Variants in CRTAC1 observed in about 807,000 individuals in gnomAD.
CRTAC1 encodes the protein cartilage acidic protein 1, also known as acidic secreted protein in cartilage.
A neutral mutation model predicts 67.8 loss-of-function variants in CRTAC1; 37 were observed. That is an observed-to-expected ratio of 0.55 (90% CI 0.42 to 0.72). CRTAC1 has a LOEUF of 0.72. CRTAC1 is among the 30% of genes least tolerant of loss of function. The probability of loss-of-function intolerance (pLI) is 0.00; values close to 1 mark genes in which losing one functional copy is unlikely to be tolerated. For missense variants in CRTAC1, 780 were observed against 931.6 expected (o/e 0.84, Z 2.12); for synonymous variants, 348 against 371.0 (o/e 0.94, Z 0.71).
rs770672093 is a variant in CRTAC1 at position 97,880,349 on chromosome 10, G to A, written c.1719C>T (p.Asp573=). 1.2e-6 allele frequency: 2 copies of A among 1,614,194 alleles called. No homozygotes were observed. Among genetic ancestry groups the A allele is most frequent in the Non-Finnish European group, 1.7e-6 (2 of 1,180,012 alleles). Residue 573 remains aspartate (D), a synonymous_variant, in exon 14 of 15, where the codon GAC becomes GAT. Transcript: ENST00000370597. ...CIQFPFVCPR[D]KPVCVNTYGS... ...CATAGGTGTTGACACATACGGGCTT[G>A]TCTCGAGGGCACACGAATGGGAACT...
intron 2 of CRTAC1, among the ~76,000 whole-genome samples, chr10:97,981,781 T>G (rs1348162592): frequency 6.6e-6 from 1 of 152,364 alleles, no homozygotes; most frequent in African/African-American, 2.4e-5. Flanking sequence ...CACATCTTTG[T>G]CAATATTGAG....
At chr10:97,909,743 T>C (rs2050663214) in intron 5 of CRTAC1, among the ~76,000 whole-genome samples, 1 of 152,210 alleles carries the variant, frequency 6.6e-6, no homozygotes, top group South Asian at 2.1e-4. Context: ...GTTGAAGAGA[T>C]ACCTGCACTC....
chr10:97,939,881 C>T (rs1410958307), intron 2 of CRTAC1, among the ~76,000 whole-genome samples: 2 of 152,150 alleles, frequency 1.3e-5, no homozygotes, highest in African/African-American at 2.4e-5. Flanking sequence ...TTTTGCACCT[C>T]GCTTATTCCT....
intron 2 of CRTAC1, among the ~76,000 whole-genome samples, chr10:97,944,308 T>A (rs1306244888): frequency 6.6e-6 from 1 of 152,048 alleles, no homozygotes; most frequent in African/African-American, 2.4e-5. Context: ...GTGCACACCC[T>A]GTAATCCCAG....
chr10:97,988,634 T>G (rs977807122), intron 2 of CRTAC1, among the ~76,000 whole-genome samples: 2 of 152,278 alleles, frequency 1.3e-5, no homozygotes, highest in African/African-American at 4.8e-5. Context: ...GCAAGAGAAT[T>G]GCTTGAACCC....
At chr10:97,990,923 G>T (rs560090866) in intron 2 of CRTAC1, among the ~76,000 whole-genome samples, 9 of 151,822 alleles carry the variant, frequency 5.9e-5, no homozygotes, top group Admixed American at 3.3e-4. Flanking sequence ...ATGTTTAAAC[G>T]ACTGCTTTAA....
At chr10:97,934,695 G>T (rs1196104494) in intron 3 of CRTAC1, among the ~76,000 whole-genome samples, 2 of 152,166 alleles carry the variant, frequency 1.3e-5, no homozygotes, top group African/African-American at 2.4e-5. Context: ...CCTCCAGGAG[G>T]TTGGGAGGTC....
intron 2 of CRTAC1, among the ~76,000 whole-genome samples, chr10:97,996,667 T>C (rs1457407743): frequency 6.6e-6 from 1 of 152,206 alleles, no homozygotes; most frequent in Admixed American, 6.5e-5. Flanking sequence ...ATTGTGGAAG[T>C]TGGTGTGGTG....
intron 2 of CRTAC1, among the ~76,000 whole-genome samples, chr10:97,947,785 G>T (rs908252003): frequency 6.6e-6 from 1 of 152,166 alleles, no homozygotes; most frequent in African/African-American, 2.4e-5. Context: ...CAGGTATGGT[G>T]GCTCATGCCT....
intron 9 of CRTAC1, among the ~76,000 whole-genome samples, 188 bp downstream of exon 9, chr10:97,896,721 C>T (rs2050464481): frequency 6.6e-6 from 1 of 152,208 alleles, no homozygotes; most frequent in African/African-American, 2.4e-5. Context: ...CCTCTGCTTC[C>T]TGCCTGGCCA....
At chr10:97,887,617 G>C (rs1590182964) in intron 11 of CRTAC1, among the ~76,000 whole-genome samples, 1 of 152,216 alleles carries the variant, frequency 6.6e-6, no homozygotes, top group African/African-American at 2.4e-5. Flanking sequence ...GGGGCTATGA[G>C]ATAAGCAGGC....
chr10:97,930,663 C>T (rs932677970), intron 3 of CRTAC1, among the ~76,000 whole-genome samples: 6 of 152,166 alleles, frequency 3.9e-5, no homozygotes, highest in Non-Finnish European at 7.3e-5. Flanking sequence ...GGTGGAGGAG[C>T]TGCCCGACCA....
rs575210380 is a variant in CRTAC1 at position 97,989,943 on chromosome 10, C to T, written c.224+21195G>A. Among the ~76,000 whole-genome samples, 29 of 152,354 alleles carry T rather than the reference C, an allele frequency of 1.9e-4. No homozygotes were observed. In the South Asian group the frequency reaches 6.0e-3, roughly 32 times the overall value. On this transcript the variant is annotated intron_variant, in intron 2 of 14. Coordinates refer to ENST00000370597, the MANE Select transcript of CRTAC1 (RefSeq NM_018058.7). ...ACTCTTCTGTTCTCTCATTCTTTCT[C>T]CATGTCTTGTCTGAAATCTCTCATT...
At chr10:97,984,811 T>C (rs2051953635) in intron 2 of CRTAC1, among the ~76,000 whole-genome samples, 1 of 152,068 alleles carries the variant, frequency 6.6e-6, no homozygotes, top group East Asian at 1.9e-4. Flanking sequence ...GAAAAGGAAA[T>C]TGACTGGCAG....
chr10:97,902,650 C>A (rs12763924), intron 7 of CRTAC1, among the ~76,000 whole-genome samples: 23,831 of 152,114 alleles, frequency 0.16, 1,981 homozygotes, highest in Non-Finnish European at 0.19. Context: ...CCCCTAAAGA[C>A]CTTGGGGACA....
At chr10:97,963,716 A>G (rs1168543311) in intron 2 of CRTAC1, among the ~76,000 whole-genome samples, 1 of 152,200 alleles carries the variant, frequency 6.6e-6, no homozygotes. Context: ...TACTATTTTT[A>G]TTTGTAGCCA....
chr10:97,892,080 T>C lies in CRTAC1; in HGVS notation c.1486+3165A>G, dbSNP rs143740531. Among the ~76,000 whole-genome samples, 959 of 152,296 alleles carry C rather than the reference T, an allele frequency of 6.3e-3. 5 individuals are homozygous for C. Among genetic ancestry groups the C allele is most frequent in the Middle Eastern group, 0.014 (4 of 294 alleles). On this transcript the variant is annotated intron_variant, in intron 11 of 14. Transcript: ENST00000370597. ...GACTTGCACCAGGCGGAGCTCCCAA[T>C]GAAGTGCAGTGTACATAAGCCTGAG...
chr10:97,940,735 T>C (rs1159845874), intron 2 of CRTAC1, among the ~76,000 whole-genome samples: 2 of 152,246 alleles, frequency 1.3e-5, no homozygotes, highest in African/African-American at 2.4e-5. Context: ...CTTTGACTTC[T>C]GCATCTGGAA....
At position 97,991,099 on chromosome 10, in the gene CRTAC1, C is replaced by CAAAAAAAAAAAAAAAAAAAAAA. The variant is rs757267901; in HGVS notation, c.224+20017_224+20038dup. 1.7e-4 allele frequency among the ~76,000 whole-genome samples: 3 copies of CAAAAAAAAAAAAAAAAAAAAAA among 17,980 alleles called. 1 individual carries two copies. Among genetic ancestry groups the CAAAAAAAAAAAAAAAAAAAAAA allele is most frequent in the East Asian group, 1.5e-3 (1 of 670 alleles). 11.8% of individuals were successfully genotyped at this position (17,980 alleles called of 152,430 possible). Reference sequence around the variant, plus strand: ...GGCAACATACGAGAAACCATCTCTACAAAAAAAAAAAAAAAAAAAAAAAAA... The same window carrying CAAAAAAAAAAAAAAAAAAAAAA: ...GGCAACATACGAGAAACCATCTCTACAAAAAAAAAAAAAAAAAAAAAAAAAAAAAAAAAAAAAAAAAAAAAAA... On this transcript the variant is annotated intron_variant, in intron 2 of 14. Transcript: ENST00000370597.
Sources: gnomAD v4.1 joint callset for allele counts (sites outside exome capture counted in the v4.1 genomes callset) on GRCh38, gnomAD v4.1.1 for gene constraint, MANE v1.5 for transcripts, NCBI Gene and HGNC (gene_info 2026-07-23, HGNC 2026-07-21) for gene names.